TBC1D9: variants seen among roughly 807,000 people sequenced by gnomAD.
The protein encoded by TBC1D9 is TBC1 domain family member 9A.
In TBC1D9, 63 loss-of-function variants were observed where a neutral mutation model predicts 132.0. The ratio of observed to expected loss-of-function variants is 0.48; its 90% CI spans 0.39 to 0.59. The LOEUF (loss-of-function observed/expected upper bound fraction) is 0.59. TBC1D9 is among the 20% of genes least tolerant of loss of function. The pLI is 0.00. For synonymous variants in TBC1D9, 610 were observed against 609.9 expected, an observed-to-expected ratio of 1.00 and a Z score of 0.00; for missense variants, 1,261 against 1,592.7, an observed-to-expected ratio of 0.79 and a Z score of 3.54.
chr4:140,708,162 C>G (rs1738176669), intron 1 of TBC1D9, among the ~76,000 whole-genome samples: 1 of 152,158 alleles, frequency 6.6e-6, no homozygotes, highest in Non-Finnish European at 1.5e-5. Flanking sequence ...ATTTTAAGAA[C>G]TAATTCATCT....
intron 16 of TBC1D9, among the ~76,000 whole-genome samples, chr4:140,628,928 C>T (rs1177979354): frequency 1.3e-5 from 2 of 152,168 alleles, no homozygotes; most frequent in Non-Finnish European, 2.9e-5. Flanking sequence ...TAGCTTCAAT[C>T]GGAAGAATCC....
intron 15 of TBC1D9, among the ~76,000 whole-genome samples, chr4:140,636,337 G>A (rs1578816605): frequency 6.6e-6 from 1 of 152,054 alleles, no homozygotes. Flanking sequence ...AGCTCCTTGG[G>A]AGGAGGACTA....
At chr4:140,742,798 C>T (rs1472178453) in intron 1 of TBC1D9, among the ~76,000 whole-genome samples, 1 of 151,828 alleles carries the variant, frequency 6.6e-6, no homozygotes, top group Non-Finnish European at 1.5e-5. Flanking sequence ...TTCCAGTTTG[C>T]CATTCTCAGA....
intron 13 of TBC1D9, among the ~76,000 whole-genome samples, chr4:140,647,895 G>A (rs1001330310): frequency 6.6e-6 from 1 of 151,714 alleles, no homozygotes; most frequent in African/African-American, 2.4e-5. Context: ...AGAATGACAT[G>A]GGGGTCTCTC....
At chr4:140,740,786 T>C (rs1738747295) in intron 1 of TBC1D9, among the ~76,000 whole-genome samples, 2 of 152,238 alleles carry the variant, frequency 1.3e-5, no homozygotes, top group African/African-American at 4.8e-5. Context: ...ATCACTCATT[T>C]TGGCTGTCAA....
In TBC1D9 at chr4:140,622,933, G is replaced by A; in HGVS notation, c.3079-16C>T. 1 of 1,498,378 alleles carries A rather than the reference G, an allele frequency of 6.7e-7. No individual in the cohort carries two copies. The highest frequency in any genetic ancestry group is 1.3e-5 in the South Asian group (1 of 76,128). The allele number at this position is 1,498,378 out of a possible 1,614,324, so 92.8% of individuals were successfully genotyped here. A position where few individuals can be genotyped will look rare whatever the true frequency, so the allele number is the denominator to read the frequency against. On this transcript the variant is annotated splice_polypyrimidine_tract_variant and intron_variant, in intron 20 of 20. Coordinates refer to ENST00000442267, the MANE Select transcript of TBC1D9 (RefSeq NM_015130.3). ...TGAACTGCCCCTGAAAAGCGATTTG[G>A]AAAAACACAATGTGAAATCTTGGGG...
In TBC1D9 at chr4:140,679,943, A is replaced by T. The variant is rs1415334623; in HGVS notation, c.361-100T>A. On this transcript the variant is annotated intron_variant, in intron 3 of 20. Coordinates refer to ENST00000442267, the MANE Select transcript of TBC1D9 (RefSeq NM_015130.3). ...ATTTCTAAGGCTAGAATTAAAAAAA[A>T]AAATTGAGGAATGCCCTTCAATGGC... 6 of 1,004,364 alleles carry T rather than the reference A, an allele frequency of 6.0e-6. No homozygotes were observed. In the East Asian group the frequency reaches 1.6e-4, roughly 27 times the overall value. 62.2% of individuals were successfully genotyped at this position (1,004,364 alleles called of 1,614,324 possible). A position where few individuals can be genotyped will look rare whatever the true frequency, so the allele number is the denominator to read the frequency against.
At chr4:140,737,879 G>C (rs766322008) in intron 1 of TBC1D9, among the ~76,000 whole-genome samples, 5 of 152,130 alleles carry the variant, frequency 3.3e-5, no homozygotes, top group Admixed American at 6.5e-5. Context: ...TGGAGCCTCA[G>C]TTCCAGAAAA....
intron 7 of TBC1D9, among the ~76,000 whole-genome samples, chr4:140,670,287 C>T (rs1737515327): frequency 6.6e-6 from 1 of 152,204 alleles, no homozygotes; most frequent in Non-Finnish European, 1.5e-5. Context: ...AGTCACCTAT[C>T]TTTTCAGGCC....
At chr4:140,738,521 G>T (rs539410755) in intron 1 of TBC1D9, among the ~76,000 whole-genome samples, 2 of 152,008 alleles carry the variant, frequency 1.3e-5, no homozygotes, top group African/African-American at 4.8e-5. Context: ...ACCATCTTTG[G>T]AAAAAGCACA....
rs564614173 is a variant in TBC1D9 at position 140,642,091 on chromosome 4, G to T, written c.2338-2663C>A. The T allele has an allele frequency of 2.9e-4, 205 of 718,176 alleles. No individual in the cohort carries two copies. The African/African-American group carries it at 3.3e-3, about 12-fold the overall frequency. The allele number at this position is 718,176 out of a possible 1,614,324, so 44.5% of individuals were successfully genotyped here. On this transcript the variant is annotated intron_variant, in intron 13 of 20. Transcript: ENST00000442267. The stretch of plus-strand genomic sequence containing the variant: ...AGTCCGGGAGGGGGCGGAGGAGGGG[G>T]TGTGTGCCAGGCCCTCTTGGTCAGC...
intron 10 of TBC1D9, among the ~76,000 whole-genome samples, chr4:140,660,423 C>T (rs752960280): frequency 1.6e-4 from 25 of 152,152 alleles, no homozygotes; most frequent in Non-Finnish European, 2.5e-4. Flanking sequence ...TCCCAGAAAC[C>T]GGTAACTGTT....
intron 16 of TBC1D9, among the ~76,000 whole-genome samples, chr4:140,633,389 G>C (rs900370053): frequency 6.6e-6 from 1 of 152,170 alleles, no homozygotes; most frequent in African/African-American, 2.4e-5. Flanking sequence ...CAGGGAGCTG[G>C]TAGGTAGCTG....
intron 1 of TBC1D9, among the ~76,000 whole-genome samples, chr4:140,705,299 TCCTC>T (rs1213796590): frequency 1.3e-5 from 2 of 152,166 alleles, no homozygotes; most frequent in African/African-American, 4.8e-5. Flanking sequence ...ACTCTACTCT[TCCTC>T]CCAGTTCTGC....
At chr4:140,668,049 A>G (rs1429155703) in intron 9 of TBC1D9, among the ~76,000 whole-genome samples, 1 of 152,246 alleles carries the variant, frequency 6.6e-6, no homozygotes, top group Non-Finnish European at 1.5e-5. Context: ...CCTATTTAGA[A>G]TGATAATATT....
In TBC1D9 at chr4:140,755,950, G is replaced by A. The variant is rs747069782; in HGVS notation, c.96C>T (p.His32=). 6.3e-6 allele frequency: 10 copies of A among 1,596,662 alleles called. No individual in the cohort carries two copies. Among genetic ancestry groups the A allele is most frequent in the Non-Finnish European group, 3.4e-6 (4 of 1,172,912 alleles). ...PYFILQRRKG[H]AGDGGGGGGL... is the part of the protein sequence containing the mutation. ...CGCCGCCGCCGCCTCCATCGCCGGC[G>A]TGGCCCTTCCTCCGCTGCAGGATGA... Residue 32 remains histidine (H), a synonymous_variant, in exon 1 of 21, where the codon CAC becomes CAT. Coordinates refer to ENST00000442267, the MANE Select transcript of TBC1D9 (RefSeq NM_015130.3).
At chr4:140,659,468 TG>T (rs1737324792) in intron 11 of TBC1D9, 119 bp downstream of exon 11, 1 of 625,240 alleles carries the variant, frequency 1.6e-6, no homozygotes, top group East Asian at 2.8e-5. Context: ...TTTGAAAAAC[TG>T]GAGTAGTCTG....
At chr4:140,685,423 A>G (rs1467716458) in intron 3 of TBC1D9, among the ~76,000 whole-genome samples, 4 of 152,194 alleles carry the variant, frequency 2.6e-5, no homozygotes, top group Non-Finnish European at 5.9e-5. Flanking sequence ...TCGATTCATA[A>G]TATCTGACGA....
At position 140,675,537 on chromosome 4, in the gene TBC1D9, G is replaced by C. The variant is rs140892651; in HGVS notation, c.1059+1357C>G. Among the ~76,000 whole-genome samples, 4 of 152,236 alleles carry C rather than the reference G, an allele frequency of 2.6e-5. No individual in the cohort carries two copies. The East Asian group carries it at 7.7e-4, about 29-fold the overall frequency. On this transcript the variant is annotated intron_variant, in intron 6 of 20. Transcript: ENST00000442267. Reference sequence around the variant, plus strand: ...GTCTTTGTCAACTCCAAGCCTCACAGCAAAGCTTCCAGACAAGTACCAGAG... The same window carrying C: ...GTCTTTGTCAACTCCAAGCCTCACACCAAAGCTTCCAGACAAGTACCAGAG...
Sources: gnomAD v4.1 joint callset for allele counts (sites outside exome capture counted in the v4.1 genomes callset) on GRCh38, gnomAD v4.1.1 for gene constraint, MANE v1.5 for transcripts, NCBI Gene and HGNC (gene_info 2026-07-23, HGNC 2026-07-21) for gene names.